The following SNX29 variants were observed in gnomAD, a reference collection of about 807,000 sequenced individuals.
SNX29 encodes the protein sorting nexin-29.
Under a neutral mutation model 102.1 loss-of-function variants are expected in SNX29, and 78 were observed. That is an observed-to-expected ratio of 0.76 (90% CI 0.64 to 0.92). SNX29 has a LOEUF of 0.92. Among genes scored for constraint, SNX29 ranks in the 40% least tolerant of loss-of-function variants. SNX29 has a pLI of 0.00. For synonymous variants in SNX29, 580 were observed against 414.5 expected, an observed-to-expected ratio of 1.40 and a Z score of -4.85; for missense variants, 1,280 against 1,061.7, an observed-to-expected ratio of 1.21 and a Z score of -2.86.
intron 1 of SNX29, among the ~76,000 whole-genome samples, chr16:11,993,988 G>A (rs1008835209): frequency 2.0e-5 from 3 of 152,190 alleles, no homozygotes; most frequent in Admixed American, 6.5e-5. Context: ...GGGCATGGTA[G>A]CAGGAGCCTG....
intron 14 of SNX29, among the ~76,000 whole-genome samples, chr16:12,210,325 C>CT (rs5815673): frequency 0.21 from 30,273 of 141,600 alleles, 3,336 homozygotes; most frequent in African/African-American, 0.29. Context: ...GTTCCCTCCA[C>CT]TTTTTTTTTT....
chr16:12,548,456 C>G (rs899608733), intron 20 of SNX29, among the ~76,000 whole-genome samples: 2 of 152,206 alleles, frequency 1.3e-5, no homozygotes, highest in Non-Finnish European at 2.9e-5. Flanking sequence ...GCATCTGTGT[C>G]TTTTGGACAG....
intron 20 of SNX29, among the ~76,000 whole-genome samples, chr16:12,559,306 C>A (rs181745842): frequency 6.6e-6 from 1 of 152,060 alleles, no homozygotes; most frequent in East Asian, 1.9e-4. Flanking sequence ...GCATGCAAAC[C>A]CTATTGTGAA....
intron 3 of SNX29, among the ~76,000 whole-genome samples, chr16:12,022,534 G>T (rs996808313): frequency 6.6e-6 from 1 of 152,084 alleles, no homozygotes. Flanking sequence ...TTATAGTGTT[G>T]TGTAACCATC....
At position 12,408,176 on chromosome 16, in the gene SNX29, A is replaced by G. The variant is rs569716554; in HGVS notation, c.2037+4647A>G. Among the ~76,000 whole-genome samples, 34 of 151,712 alleles carry G rather than the reference A, an allele frequency of 2.2e-4. 1 individual carries two copies. In the South Asian group the frequency reaches 6.7e-3, roughly 30 times the overall value. On this transcript the variant is annotated intron_variant, in intron 18 of 20. Transcript: ENST00000566228. ...CCTTCTCAAAAAAACAAACAAACAAACAAAAAAAAAACTAGAAGCAGCTGG... is the reference window on the plus strand; with the variant it reads ...CCTTCTCAAAAAAACAAACAAACAAGCAAAAAAAAAACTAGAAGCAGCTGG...
At chr16:12,208,118 A>G (rs922814832) in intron 14 of SNX29, among the ~76,000 whole-genome samples, 2 of 152,144 alleles carry the variant, frequency 1.3e-5, no homozygotes, top group African/African-American at 4.8e-5. Flanking sequence ...GAGCGGGGAG[A>G]TGATTATCAT....
intron 11 of SNX29, chr16:12,087,643 C>A (rs189314759): frequency 8.4e-6 from 3 of 358,576 alleles, no homozygotes; most frequent in African/African-American, 4.3e-5. Flanking sequence ...GTAAAGCAGC[C>A]GTCATTATGC....
chr16:12,220,468 C>G (rs1014489021), intron 14 of SNX29, among the ~76,000 whole-genome samples: 3 of 152,086 alleles, frequency 2.0e-5, no homozygotes, highest in Non-Finnish European at 2.9e-5. Flanking sequence ...CAGGCAGACT[C>G]TGCGTGACCT....
In SNX29 at chr16:12,444,489, C is replaced by T. The variant is rs571046776; in HGVS notation, c.2038-33230C>T. 6.6e-5 allele frequency among the ~76,000 whole-genome samples: 10 copies of T among 152,370 alleles called. No individual in the cohort carries two copies. In the East Asian group the frequency reaches 1.9e-3, roughly 29 times the overall value. ...AGGAATAGACACAGATACTCAAGTA[C>T]TGGCCCCAGATCCTGGTACATAGTA... On this transcript the variant is annotated intron_variant, in intron 18 of 20. Coordinates refer to ENST00000566228, the MANE Select transcript of SNX29 (RefSeq NM_032167.5).
At chr16:12,467,817 C>G (rs1319707698) in intron 18 of SNX29, among the ~76,000 whole-genome samples, 2 of 152,172 alleles carry the variant, frequency 1.3e-5, no homozygotes, top group African/African-American at 4.8e-5. Context: ...AACAGGTCTA[C>G]CTAGCATGCC....
At chr16:12,060,156 A>G (rs1490678459) in intron 8 of SNX29, among the ~76,000 whole-genome samples, 1 of 151,858 alleles carries the variant, frequency 6.6e-6, no homozygotes, top group Non-Finnish European at 1.5e-5. Flanking sequence ...AAAAAAAACC[A>G]ATAAAAATAA....
intron 19 of SNX29, among the ~76,000 whole-genome samples, chr16:12,517,000 G>A (rs1167044027): frequency 6.6e-6 from 1 of 152,152 alleles, no homozygotes; most frequent in Non-Finnish European, 1.5e-5. Flanking sequence ...CTTTTCTGGA[G>A]GGAAGAAAAA....
At chr16:12,447,188 A>AAAAAAAAAAAAC (rs2086100194) in intron 18 of SNX29, among the ~76,000 whole-genome samples, 1 of 150,298 alleles carries the variant, frequency 6.7e-6, no homozygotes. Flanking sequence ...AAAAAAAAAA[A>AAAAAAAAAAAAC]AAAAAAAAAG....
chr16:12,147,632 T>A (rs927237874), intron 13 of SNX29, among the ~76,000 whole-genome samples: 1 of 152,230 alleles, frequency 6.6e-6, no homozygotes, highest in Non-Finnish European at 1.5e-5. Context: ...CAGCTGGATG[T>A]AGCCGATCCA....
At chr16:12,156,141 G>T (rs959849820) in intron 13 of SNX29, among the ~76,000 whole-genome samples, 6 of 152,308 alleles carry the variant, frequency 3.9e-5, no homozygotes, top group South Asian at 2.1e-4. Context: ...CCCCCAGAGA[G>T]CTTCTTGGTT....
intron 13 of SNX29, among the ~76,000 whole-genome samples, chr16:12,189,164 G>A (rs977833119): frequency 1.1e-4 from 16 of 152,140 alleles, no homozygotes; most frequent in African/African-American, 3.6e-4. Flanking sequence ...TTTCCTACAA[G>A]CAAAACATTC....
chr16:12,508,338 T>C (rs1434746405), intron 19 of SNX29, among the ~76,000 whole-genome samples: 1 of 152,234 alleles, frequency 6.6e-6, no homozygotes, highest in Non-Finnish European at 1.5e-5. Context: ...TTCAGAAGCA[T>C]GGACCGGTGT....
intron 13 of SNX29, among the ~76,000 whole-genome samples, chr16:12,181,661 C>T (rs955322199): frequency 6.0e-5 from 9 of 149,876 alleles, no homozygotes; most frequent in Admixed American, 1.3e-4. Context: ...AGGGGGCTGC[C>T]GGTGATTTGG....
intron 19 of SNX29, among the ~76,000 whole-genome samples, chr16:12,522,076 C>T (rs1448540878): frequency 6.6e-6 from 1 of 152,188 alleles, no homozygotes; most frequent in Non-Finnish European, 1.5e-5. Flanking sequence ...CCTGCTGGCA[C>T]AGATGCTCCA....
Sources: allele counts gnomAD v4.1 joint callset (sites outside exome capture counted in the v4.1 genomes callset), GRCh38; gene constraint gnomAD v4.1.1; transcripts MANE v1.5; gene names NCBI Gene and HGNC (gene_info 2026-07-23, HGNC 2026-07-21).